Variants in RAB33A observed in about 807,000 individuals in gnomAD.
The protein encoded by RAB33A is RAB33A, member RAS oncogene family, also known as ras-related protein Rab-33A.
RAB33A carries 6 observed loss-of-function variants against 12.0 expected under a neutral mutation model. The ratio of observed to expected loss-of-function variants is 0.50; its 90% CI spans 0.27 to 0.99. The LOEUF (loss-of-function observed/expected upper bound fraction) is 0.99. Among genes scored for constraint, RAB33A ranks in the 50% least tolerant of loss-of-function variants. The pLI, the probability that RAB33A is intolerant of heterozygous loss-of-function variation, is 0.11. For synonymous variants in RAB33A, 70 were observed against 82.4 expected (o/e 0.85, Z 0.81); for missense variants, 109 against 192.0 (o/e 0.57, Z 2.55).
the RAB33A span, chrX:130,130,286 GGATTT>G: frequency 1.2e-6 from 1 of 833,145 alleles, no homozygotes; most frequent in Non-Finnish European, 1.7e-6. Context: ...TACTTCTAGA[GGATTT>G]ATTTCTCTAT....
At chrX:130,165,471 G>A in the RAB33A span, 1 of 833,707 alleles carries the variant, frequency 1.2e-6, no homozygotes, top group Admixed American at 2.6e-5. Flanking sequence ...CGGGGACGCG[G>A]GGGTAGAGGG....
At chrX:130,181,921 T>G (rs1490616440) in intron 1 of RAB33A, among the ~76,000 whole-genome samples, 1 of 109,651 alleles carries the variant, frequency 9.1e-6, no homozygotes, top group African/African-American at 3.3e-5. Flanking sequence ...CACTCCAGCC[T>G]GGGCGACAGA....
upstream of RAB33A, among the ~76,000 whole-genome samples, chrX:130,171,450 G>A (rs1055137465): frequency 2.7e-5 from 3 of 112,366 alleles, no homozygotes; most frequent in Admixed American, 1.9e-4. Context: ...AGGCCGAAGT[G>A]ATCCAGTGAT....
the RAB33A span, among the ~76,000 whole-genome samples, chrX:130,165,035 T>G: frequency 9.2e-6 from 1 of 109,109 alleles, no homozygotes; most frequent in African/African-American, 3.3e-5. Flanking sequence ...TCTCTGGGTG[T>G]CTGGTACACA....
At chrX:130,177,130 G>A (rs902131794) in intron 1 of RAB33A, among the ~76,000 whole-genome samples, 2 of 111,809 alleles carry the variant, frequency 1.8e-5, no homozygotes, top group South Asian at 3.7e-4. Context: ...GCCTGCCCCC[G>A]GCCACCCATG....
chrX:130,163,307 A>G, the RAB33A span, among the ~76,000 whole-genome samples: 3 of 106,256 alleles, frequency 2.8e-5, no homozygotes, highest in Non-Finnish European at 5.8e-5. Flanking sequence ...TCCGCCTCAA[A>G]AAAAAAAAAA....
the RAB33A span, chrX:130,140,491 T>G: frequency 9.2e-7 from 1 of 1,090,508 alleles, no homozygotes; most frequent in Non-Finnish European, 1.3e-6. Flanking sequence ...AAAACTTGAA[T>G]GAGCTGTATC....
At chrX:130,175,220 T>C (rs2031652176) in intron 1 of RAB33A, among the ~76,000 whole-genome samples, 1 of 111,090 alleles carries the variant, frequency 9.0e-6, no homozygotes, top group African/African-American at 3.3e-5. Context: ...CCCAAGCACT[T>C]CGCCACCTCA....
chrX:130,158,682 A>C, the RAB33A span, among the ~76,000 whole-genome samples: 1 of 100,155 alleles, frequency 1.0e-5, no homozygotes, highest in Non-Finnish European at 2.0e-5. Context: ...AAATACACTA[A>C]CACTAACCAT....
the RAB33A span, chrX:130,138,789 C>CA: frequency 1.5e-6 from 1 of 648,181 alleles, no homozygotes; most frequent in South Asian, 2.3e-5. Flanking sequence ...AAATCTTTGG[C>CA]AAAAGTAAAT....
the RAB33A span, among the ~76,000 whole-genome samples, chrX:130,112,801 G>A: frequency 9.0e-6 from 1 of 111,118 alleles, no homozygotes; most frequent in Non-Finnish European, 1.9e-5. Flanking sequence ...GGGAGGCAGA[G>A]GTTGCAGTGA....
chrX:130,184,637 C>T lies in RAB33A; in HGVS notation c.611C>T (p.Ala204Val). The T allele has an allele frequency of 8.3e-7, 1 of 1,211,713 alleles. No individual in the cohort carries two copies. The highest frequency in any genetic ancestry group is 1.1e-6 in the Non-Finnish European group (1 of 895,513). Residue 204 changes from alanine (A) to valine (V), a missense_variant, in exon 2 of 2, where the codon GCC becomes GTC. Transcript: ENST00000257017. ...IFMCLACRLKAQKSLLYRDAE... is the reference protein window; with the variant it reads ...IFMCLACRLKVQKSLLYRDAE... The stretch of plus-strand genomic sequence containing the variant: ...ATGTGCTTGGCTTGCCGATTGAAGG[C>T]CCAGAAATCCCTGCTGTATCGTGAT...
chrX:130,163,085 T>C, the RAB33A span, among the ~76,000 whole-genome samples: 1 of 109,954 alleles, frequency 9.1e-6, no homozygotes, highest in Non-Finnish European at 1.9e-5. Flanking sequence ...CTGAAGCAGG[T>C]GGATCACAAG....
the RAB33A span, among the ~76,000 whole-genome samples, chrX:130,153,084 G>C: frequency 9.3e-6 from 1 of 107,880 alleles, no homozygotes; most frequent in African/African-American, 3.4e-5. Context: ...TGTAATCCCA[G>C]CACTTTGGGA....
chrX:130,115,398 A>G, the RAB33A span, among the ~76,000 whole-genome samples: 4 of 111,957 alleles, frequency 3.6e-5, no homozygotes, highest in Non-Finnish European at 7.5e-5. Context: ...GAATCACCTG[A>G]GGTCAGGAGT....
rs138057659 is a variant in RAB33A at position 130,173,487 on chromosome X, G to T, written c.258+1167G>T. ...GAAGGGCTGAGTAACTGATGAAACT[G>T]ATGAAACACTTGAAACTGTGCGAGA... On this transcript the variant is annotated intron_variant, in intron 1 of 1. Coordinates refer to ENST00000257017, the MANE Select transcript of RAB33A (RefSeq NM_004794.3). Among the ~76,000 whole-genome samples the T allele has an allele frequency of 2.7e-3, 297 of 111,586 alleles. 1 individual carries two copies. Among genetic ancestry groups the T allele is most frequent in the African/African-American group, 9.1e-3 (280 of 30,706 alleles).
chrX:130,178,321 AAG>A (rs10560124), intron 1 of RAB33A, among the ~76,000 whole-genome samples: 51,227 of 98,828 alleles, frequency 0.52, 12,020 homozygotes, highest in African/African-American at 0.82. Context: ...TTGTCTGGAA[AAG>A]AGAGAGAGAG....
chrX:130,118,915 CAT>C, the RAB33A span, among the ~76,000 whole-genome samples: 4 of 111,740 alleles, frequency 3.6e-5, no homozygotes, highest in East Asian at 1.1e-3. Flanking sequence ...GGCATGTGCA[CAT>C]GTCTGTCTGC....
At chrX:130,164,730 G>GTA in the RAB33A span, among the ~76,000 whole-genome samples, 1 of 111,775 alleles carries the variant, frequency 8.9e-6, no homozygotes, top group Non-Finnish European at 1.9e-5. Context: ...TTAGGAAGCA[G>GTA]TATGGAGTTG....
Sources: allele counts gnomAD v4.1 joint callset (sites outside exome capture counted in the v4.1 genomes callset), GRCh38; gene constraint gnomAD v4.1.1; transcripts MANE v1.5; gene names NCBI Gene and HGNC (gene_info 2026-07-23, HGNC 2026-07-21).